The following NTRK3 variants were observed in gnomAD, a reference collection of about 807,000 sequenced individuals.
The protein encoded by NTRK3 is NT-3 growth factor receptor.
In NTRK3, 24 loss-of-function variants were observed where a neutral mutation model predicts 91.7. The ratio of observed to expected loss-of-function variants is 0.26; its 90% confidence interval spans 0.19 to 0.37. The LOEUF is 0.37. Ranked by LOEUF, NTRK3 falls within the 10% of genes least tolerant of loss-of-function variation. The pLI is 1.00. For missense variants in NTRK3, 880 were observed against 1,068.9 expected, an observed-to-expected ratio of 0.82 and a Z score of 2.46; for synonymous variants, 483 against 404.0, an observed-to-expected ratio of 1.20 and a Z score of -2.34.
chr15:87,983,783 G>T (rs2074497739), intron 14 of NTRK3, among the ~76,000 whole-genome samples: 1 of 152,170 alleles, frequency 6.6e-6, no homozygotes, highest in South Asian at 2.1e-4. Flanking sequence ...GTGATGGTAA[G>T]GACGTTCTCT....
intron 14 of NTRK3, among the ~76,000 whole-genome samples, chr15:87,974,137 G>C (rs562973891): frequency 6.6e-6 from 1 of 152,188 alleles, no homozygotes; most frequent in Non-Finnish European, 1.5e-5. Context: ...GAACTGGGAC[G>C]AGCCAGGGGA....
intron 14 of NTRK3, chr15:87,981,098 T>C (rs940798285): frequency 1.4e-6 from 2 of 1,415,506 alleles, no homozygotes; most frequent in Non-Finnish European, 1.9e-6. Flanking sequence ...AATCCCGTGC[T>C]GGGCACCTAG....
chr15:88,135,641 G>A (rs968966782), intron 9 of NTRK3, among the ~76,000 whole-genome samples: 5 of 152,220 alleles, frequency 3.3e-5, no homozygotes, highest in Non-Finnish European at 7.3e-5. Context: ...ATAAAAGGCA[G>A]AATAGGCCAA....
At chr15:87,878,153 G>T (rs921989030) in intron 18 of NTRK3, among the ~76,000 whole-genome samples, 36 of 152,104 alleles carry the variant, frequency 2.4e-4, no homozygotes, top group Non-Finnish European at 7.3e-5. Flanking sequence ...CACTGACCCC[G>T]AACTTCAGTT....
intron 14 of NTRK3, among the ~76,000 whole-genome samples, chr15:87,974,643 C>T (rs747980882): frequency 6.6e-6 from 1 of 152,140 alleles, no homozygotes; most frequent in African/African-American, 2.4e-5. Context: ...TCAAAAAGGC[C>T]ATCATTGCTT....
chr15:87,899,946 T>C (rs769040534), intron 17 of NTRK3, among the ~76,000 whole-genome samples: 4 of 152,180 alleles, frequency 2.6e-5, no homozygotes, highest in Non-Finnish European at 4.4e-5. Flanking sequence ...GGGAGTTGAA[T>C]GTACTCTTCA....
intron 3 of NTRK3, among the ~76,000 whole-genome samples, chr15:88,214,309 TC>T: frequency 6.6e-6 from 1 of 152,224 alleles, no homozygotes; most frequent in Non-Finnish European, 1.5e-5. Context: ...CTTCCTAGTT[TC>T]CAGGGGTTAC....
At chr15:88,014,176 G>A (rs1179642294) in intron 14 of NTRK3, among the ~76,000 whole-genome samples, 2 of 152,196 alleles carry the variant, frequency 1.3e-5, no homozygotes, top group Non-Finnish European at 2.9e-5. Flanking sequence ...ACCAATTTCT[G>A]TGGCAATTAC....
At chr15:88,115,765 A>T (rs2151015080) in intron 13 of NTRK3, among the ~76,000 whole-genome samples, 1 of 152,154 alleles carries the variant, frequency 6.6e-6, no homozygotes, top group East Asian at 1.9e-4. Context: ...GAGCAGCAAG[A>T]CTGGGAAGAA....
Position 87,876,845 on chromosome 15 carries a change from C to T in NTRK3, c.*90G>A, listed in dbSNP as rs979336123. ...TTTATATGAAGATGTTCGCTTCAGT[C>T]AAGGATGGAAGGAGTTGTGAGGTGG... On this transcript the variant is annotated 3_prime_UTR_variant, in exon 19 of 19. Coordinates refer to ENST00000394480, the Ensembl canonical transcript of NTRK3. 3 of 1,436,114 alleles carry T rather than the reference C, an allele frequency of 2.1e-6. No homozygotes were observed. The African/African-American group carries it at 4.3e-5, about 20-fold the overall frequency. The allele number at this position is 1,436,114 out of a possible 1,614,324, so 89.0% of individuals were successfully genotyped here.
At position 88,198,614 on chromosome 15, in the gene NTRK3, G is replaced by T. The variant is rs151006838; in HGVS notation, c.249-14315C>A. Among the ~76,000 whole-genome samples, 142 of 152,328 alleles carry T rather than the reference G, an allele frequency of 9.3e-4. 2 individuals carry two copies. Among genetic ancestry groups the T allele is most frequent in the Admixed American group, 8.2e-3 (126 of 15,300 alleles). On this transcript the variant is annotated intron_variant, in intron 3 of 18. Coordinates refer to ENST00000394480, the Ensembl canonical transcript of NTRK3. ...GCATTATCTGCCTGGCTTCCCTTGT[G>T]AGAGCATAAATTCCTTGACAACAAA...
intron 5 of NTRK3, among the ~76,000 whole-genome samples, chr15:88,155,812 C>T (rs2043837045): frequency 7.2e-6 from 1 of 139,594 alleles, no homozygotes; most frequent in Admixed American, 6.8e-5. Context: ...TATCATCTAT[C>T]TATCTATCTA....
At chr15:87,863,279 G>A (rs1482400910) in exon 19 of NTRK3, 3 of 226,078 alleles carry the variant, frequency 1.3e-5, no homozygotes, top group Non-Finnish European at 2.6e-5. Flanking sequence ...TTGAGGCTCC[G>A]GTAGATAGGA....
At chr15:88,084,066 GCC>G (rs2048291278) in intron 13 of NTRK3, among the ~76,000 whole-genome samples, 1 of 148,692 alleles carries the variant, frequency 6.7e-6, no homozygotes, top group Admixed American at 6.7e-5. Context: ...TTTTGTAAGA[GCC>G]ATTTCATGTC....
At chr15:88,066,168 C>G (rs542852116) in intron 13 of NTRK3, among the ~76,000 whole-genome samples, 1 of 152,270 alleles carries the variant, frequency 6.6e-6, no homozygotes, top group Middle Eastern at 3.4e-3. Flanking sequence ...AAAGACCTTG[C>G]TTTTTCTATT....
chr15:88,085,576 A>G (rs1487880361), intron 13 of NTRK3, among the ~76,000 whole-genome samples: 2 of 152,144 alleles, frequency 1.3e-5, no homozygotes, highest in African/African-American at 4.8e-5. Context: ...AACCCAGCCA[A>G]CCCACAGGCC....
intron 14 of NTRK3, among the ~76,000 whole-genome samples, chr15:88,020,489 A>G (rs550535757): frequency 3.1e-4 from 47 of 152,308 alleles, no homozygotes; most frequent in African/African-American, 1.1e-3. Flanking sequence ...CTTGGAAAAT[A>G]TATTTTTCAG....
At chr15:88,132,281 C>T (rs1377225298) in intron 10 of NTRK3, among the ~76,000 whole-genome samples, 1 of 152,254 alleles carries the variant, frequency 6.6e-6, no homozygotes, top group East Asian at 1.9e-4. Context: ...CAATGGCCCA[C>T]AGCTAGTAAG....
At chr15:88,128,230 A>G (rs1242667536) in intron 11 of NTRK3, among the ~76,000 whole-genome samples, 2 of 152,210 alleles carry the variant, frequency 1.3e-5, no homozygotes, top group Non-Finnish European at 2.9e-5. Context: ...AGCCTCAATA[A>G]TTCCTTCTGA....
Sources: gnomAD v4.1 joint callset for allele counts (sites outside exome capture counted in the v4.1 genomes callset) on GRCh38, gnomAD v4.1.1 for gene constraint, MANE v1.5 for transcripts, NCBI Gene and HGNC (gene_info 2026-07-23, HGNC 2026-07-21) for gene names.